Variants in ZNF215 observed in about 807,000 individuals in gnomAD.
The protein encoded by ZNF215 is BWSCR2-associated zinc finger protein 2.
Under a neutral mutation model 27.2 loss-of-function variants are expected in ZNF215, and 24 were observed. The observed-to-expected ratio is 0.88, with a 90% CI of 0.64 to 1.24. ZNF215 has a LOEUF of 1.24. ZNF215 is among the 50% of genes most tolerant of loss of function. The pLI, the probability that ZNF215 is intolerant of heterozygous loss-of-function variation, is 0.00. For missense variants in ZNF215, 675 were observed against 605.7 expected (o/e 1.11, Z -1.20); for synonymous variants, 210 against 204.0 (o/e 1.03, Z -0.25).
chr11:6,948,748 T>C (rs10839666), intron 6 of ZNF215, among the ~76,000 whole-genome samples: 1 of 151,914 alleles, frequency 6.6e-6, no homozygotes, highest in Non-Finnish European at 1.5e-5. Context: ...TTAATTTTTT[T>C]ATTTTTATTT....
At chr11:6,989,322 C>G (rs77142746), downstream of ZNF215, among the ~76,000 whole-genome samples, 25 of 152,222 alleles carry the variant, frequency 1.6e-4, no homozygotes, top group East Asian at 4.6e-3. Flanking sequence ...TTTCTAGCCA[C>G]GTTTATGCCT....
At chr11:6,962,361 T>A (rs1296161395), downstream of ZNF215, among the ~76,000 whole-genome samples, 1 of 152,086 alleles carries the variant, frequency 6.6e-6, no homozygotes, top group African/African-American at 2.4e-5. Flanking sequence ...ATTGATGTCA[T>A]CCATTTAGGC....
chr11:6,930,093 G>A (rs958261122), intron 2 of ZNF215, among the ~76,000 whole-genome samples: 2 of 135,536 alleles, frequency 1.5e-5, no homozygotes, highest in South Asian at 2.2e-4. Flanking sequence ...AAATGTTTCA[G>A]TTTCTTTTTT....
chr11:6,984,744 C>G (rs1176069161), downstream of ZNF215: 1 of 152,050 alleles, frequency 6.6e-6, no homozygotes, highest in Non-Finnish European at 1.5e-5. Flanking sequence ...GCTACCTGCA[C>G]AAAGAGGGGA....
intron 5 of ZNF215, among the ~76,000 whole-genome samples, chr11:6,976,316 C>A (rs1850832727): frequency 6.6e-6 from 1 of 151,738 alleles, no homozygotes; most frequent in African/African-American, 2.4e-5. Context: ...CCAAAAAGTC[C>A]AATTAATGTC....
intron 4 of ZNF215, 49 bp from the exon 5 acceptor site, chr11:6,943,034 G>A (rs1302293834): frequency 6.3e-7 from 1 of 1,584,356 alleles, no homozygotes; most frequent in African/African-American, 1.4e-5. Flanking sequence ...TTCTCTGGTA[G>A]TGTTTTGGGG....
At chr11:6,952,247 G>C (rs1296453238) in intron 6 of ZNF215, among the ~76,000 whole-genome samples, 1 of 152,112 alleles carries the variant, frequency 6.6e-6, no homozygotes, top group South Asian at 2.1e-4. Context: ...ATGTCTATTA[G>C]GTCTGCTTGG....
intron 5 of ZNF215, among the ~76,000 whole-genome samples, chr11:6,980,277 TAATA>T (rs913081823): frequency 2.6e-5 from 4 of 151,832 alleles, no homozygotes; most frequent in Admixed American, 6.6e-5. Context: ...AAAATTAAAA[TAATA>T]AATGAATTAA....
At chr11:6,968,570 G>T (rs1850669189) in intron 5 of ZNF215, among the ~76,000 whole-genome samples, 2 of 143,634 alleles carry the variant, frequency 1.4e-5, no homozygotes, top group South Asian at 4.7e-4. Context: ...AACAAGGTTT[G>T]AAATCAAATT....
intron 2 of ZNF215, among the ~76,000 whole-genome samples, chr11:6,930,055 C>T (rs1209430767): frequency 6.7e-6 from 1 of 149,838 alleles, no homozygotes; most frequent in Non-Finnish European, 1.5e-5. Flanking sequence ...TTTCATTTGG[C>T]TCCTGTGTAC....
chr11:6,931,632 T>C (rs776510099), intron 2 of ZNF215, among the ~76,000 whole-genome samples: 1 of 152,092 alleles, frequency 6.6e-6, no homozygotes, highest in Non-Finnish European at 1.5e-5. Context: ...TATTCTAGTA[T>C]ATTTTAAACA....
chr11:6,955,807 A>C lies in ZNF215; in HGVS notation c.830A>C (p.Gln277Pro), dbSNP rs1470951567. The C allele has an allele frequency of 1.2e-6, 2 of 1,613,902 alleles. No homozygotes were observed. Among genetic ancestry groups the C allele is most frequent in the African/African-American group, 1.3e-5 (1 of 75,054 alleles). Residue 277 changes from glutamine to proline, a missense_variant, in exon 7 of 7, where the codon CAG becomes CCG. By Grantham distance (76) the Gln-to-Pro change is moderately conservative. Coordinates refer to ENST00000278319, the MANE Select transcript of ZNF215 (RefSeq NM_013250.4). ...WKGENWLYRNQKKWDINLPQE... is the reference protein window; with the variant it reads ...WKGENWLYRNPKKWDINLPQE... ...GGTGAGAATTGGTTATATAGGAACC[A>C]GAAAAAATGGGACATAAATTTGCCA...
At chr11:6,993,988 G>A (rs1006448205) in intron 6 of ZNF215, among the ~76,000 whole-genome samples, 2 of 152,040 alleles carry the variant, frequency 1.3e-5, no homozygotes, top group African/African-American at 2.4e-5. Context: ...TAGCATTTTT[G>A]TGCTTTTTGT....
At chr11:6,958,882 A>T (rs59134129), downstream of ZNF215, among the ~76,000 whole-genome samples, 8,441 of 152,198 alleles carry the variant, frequency 0.055, 326 homozygotes, top group African/African-American at 0.11. Flanking sequence ...CTGGAAGACT[A>T]AGCCAGTCTA....
chr11:6,982,879 C>T (rs1850986711), intron 5 of ZNF215, among the ~76,000 whole-genome samples: 1 of 151,670 alleles, frequency 6.6e-6, no homozygotes, highest in Non-Finnish European at 1.5e-5. Context: ...CATTCAAAAG[C>T]TAGCAGAAGG....
At chr11:6,969,670 G>GTATACT (rs1168306569) in intron 5 of ZNF215, among the ~76,000 whole-genome samples, 4 of 152,052 alleles carry the variant, frequency 2.6e-5, no homozygotes, top group African/African-American at 7.2e-5. Context: ...TTAAAATATA[G>GTATACT]TATACTTATT....
In ZNF215 at chr11:6,956,142, TGCC is replaced by T. The variant is rs775329123; in HGVS notation, c.1167_1169del (p.Cys389_Arg390delinsTer). ...ATGTTATCAATGTGGGAAAGCCTTC[TGCC>T]GAAGTTCATCCCTTATTCGACATCA... is the stretch of plus-strand genomic sequence containing the variant. On this transcript the variant is annotated stop_gained and inframe_deletion, in exon 7 of 7. Transcript: ENST00000278319. LOFTEE classifies it low-confidence loss of function (END_TRUNC). The T allele has an allele frequency of 1.2e-6, 2 of 1,613,874 alleles. No homozygotes were observed. Among genetic ancestry groups the T allele is most frequent in the Non-Finnish European group, 1.7e-6 (2 of 1,180,002 alleles).
intron 2 of ZNF215, among the ~76,000 whole-genome samples, chr11:6,928,439 A>G (rs1162665545): frequency 6.6e-6 from 1 of 152,156 alleles, no homozygotes; most frequent in Non-Finnish European, 1.5e-5. Context: ...GTTATATTTC[A>G]TTATGAGTTA....
intron 6 of ZNF215, among the ~76,000 whole-genome samples, chr11:6,950,510 C>T (rs1444431006): frequency 6.6e-6 from 1 of 151,974 alleles, no homozygotes; most frequent in African/African-American, 2.4e-5. Flanking sequence ...AATGGGAGTT[C>T]ACTCATGATT....
Sources: allele counts gnomAD v4.1 joint callset (sites outside exome capture counted in the v4.1 genomes callset), GRCh38; gene constraint gnomAD v4.1.1; transcripts MANE v1.5; gene names NCBI Gene and HGNC (gene_info 2026-07-23, HGNC 2026-07-21).